Variants in CCDC92 observed in about 807,000 individuals in gnomAD.
CCDC92 encodes the protein coiled-coil domain-containing protein 92.
Under a neutral mutation model 24.9 loss-of-function variants are expected in CCDC92, and 12 were observed. That is an observed-to-expected ratio of 0.48 (90% confidence interval 0.31 to 0.78). CCDC92 has a LOEUF of 0.78. Ranked by LOEUF, CCDC92 falls within the 30% of genes least tolerant of loss-of-function variation. The pLI is 0.05. For synonymous variants in CCDC92, 193 were observed against 196.3 expected (o/e 0.98, Z 0.14); for missense variants, 399 against 439.4 (o/e 0.91, Z 0.82).
intron 1 of CCDC92, chr12:123,946,028 C>CCATCCATTTCCAGTCCA (rs1334188593): frequency 3.2e-5 from 5 of 157,032 alleles, no homozygotes; most frequent in Non-Finnish European, 5.6e-5. Flanking sequence ...TGGCATCCTG[C>CCATCCATTTCCAGTCCA]TTTGAAAGCA....
At chr12:123,939,182 G>A (rs754827039) in intron 4 of CCDC92, among the ~76,000 whole-genome samples, 1 of 152,098 alleles carries the variant, frequency 6.6e-6, no homozygotes, top group Non-Finnish European at 1.5e-5. Flanking sequence ...AGACCTGCAC[G>A]CCCAGTTTCC....
intron 4 of CCDC92, 96 bp downstream of exon 4, chr12:123,942,648 A>G: frequency 2.1e-6 from 2 of 934,298 alleles, no homozygotes; most frequent in Non-Finnish European, 1.8e-6. Flanking sequence ...TCCCAGCAAG[A>G]GCATTTTCTC....
chr12:123,951,571 T>A (rs139951827), intron 1 of CCDC92, among the ~76,000 whole-genome samples: 27 of 152,336 alleles, frequency 1.8e-4, no homozygotes, highest in Non-Finnish European at 3.1e-4. Flanking sequence ...CCATTCACAT[T>A]TGGTTCTCTC....
Position 123,972,645 on chromosome 12 carries a change from T to G in CCDC92, c.-176A>C, listed in dbSNP as rs1169955335. The G allele has an allele frequency of 1.4e-5, 2 of 146,928 alleles. No homozygotes were observed. The highest frequency in any genetic ancestry group is 4.1e-4 in the East Asian group (2 of 4,918). The allele number at this position is 146,928 out of a possible 1,614,324, so 9.1% of individuals were successfully genotyped here. On this transcript the variant is annotated 5_prime_UTR_variant, in exon 1 of 5. Transcript: ENST00000238156. ...CTGGGCGGGGCGCGGCGGGCGGGGC[T>G]GCCTGGGCTCGGGCGCTGCCCGGGC...
At chr12:123,944,642 C>T (rs1031733775) in intron 1 of CCDC92, 9 of 241,454 alleles carry the variant, frequency 3.7e-5, no homozygotes, top group African/African-American at 6.7e-5. Context: ...GGAGCTAGGA[C>T]GAGTTCATAA....
chr12:123,965,617 T>C (rs1185999514), intron 1 of CCDC92, among the ~76,000 whole-genome samples: 3 of 152,064 alleles, frequency 2.0e-5, no homozygotes, highest in African/African-American at 7.2e-5. Context: ...TTTCTCAGAC[T>C]GAACAGTCCC....
At chr12:123,948,892 A>G (rs1955951712) in intron 1 of CCDC92, among the ~76,000 whole-genome samples, 1 of 152,192 alleles carries the variant, frequency 6.6e-6, no homozygotes, top group Non-Finnish European at 1.5e-5. Context: ...ATCCTTCACT[A>G]CTGAAGAGAG....
At chr12:123,947,272 G>A (rs1405817722) in intron 1 of CCDC92, among the ~76,000 whole-genome samples, 1 of 152,196 alleles carries the variant, frequency 6.6e-6, no homozygotes, top group Non-Finnish European at 1.5e-5. Context: ...TGCTGCCCGA[G>A]CCTCCCCGAC....
chr12:123,944,573 C>T (rs1003353215), intron 1 of CCDC92: 11 of 414,964 alleles, frequency 2.7e-5, no homozygotes, highest in South Asian at 5.8e-5. Flanking sequence ...CTGCTTCAGA[C>T]GACACCAATT....
At chr12:123,939,270 T>C (rs4930724) in intron 4 of CCDC92, among the ~76,000 whole-genome samples, 59,324 of 152,048 alleles carry the variant, frequency 0.39, 12,836 homozygotes, top group African/African-American at 0.58. Flanking sequence ...CTGTCTGTCT[T>C]GCTTTGAATT....
At chr12:123,955,443 TTGA>T (rs1433687486) in intron 1 of CCDC92, among the ~76,000 whole-genome samples, 3 of 152,244 alleles carry the variant, frequency 2.0e-5, no homozygotes, top group African/African-American at 7.2e-5. Flanking sequence ...ATCTTAGCGC[TTGA>T]TGACCACAAT....
In CCDC92 at chr12:123,966,876, A is replaced by G. The variant is rs112440038; in HGVS notation, c.-60+5653T>C. Among the ~76,000 whole-genome samples, 97 of 152,282 alleles carry G rather than the reference A, an allele frequency of 6.4e-4. 1 individual carries two copies. The highest frequency in any genetic ancestry group is 2.2e-3 in the African/African-American group (92 of 41,570). On this transcript the variant is annotated intron_variant, in intron 1 of 4. Transcript: ENST00000238156. Reference sequence around the variant, plus strand: ...AAGCTCTGAGTTCCATCCTGCAAAAAGGGATGAGACACAAGAACCTCCAAA... The same window carrying G: ...AAGCTCTGAGTTCCATCCTGCAAAAGGGGATGAGACACAAGAACCTCCAAA...
At chr12:123,940,314 C>G (rs1030649669) in intron 4 of CCDC92, among the ~76,000 whole-genome samples, 1 of 152,190 alleles carries the variant, frequency 6.6e-6, no homozygotes, top group East Asian at 1.9e-4. Context: ...AAGCATCACT[C>G]TGGTTCTTTT....
rs1955469217 is a variant in CCDC92 at position 123,935,809 on chromosome 12, C to G, written c.*1249G>C. The stretch of plus-strand genomic sequence containing the variant: ...ACATAGCATTGGCACAAGTGAGAAT[C>G]CTAATGTAATTTCCAAAGGTGTGTT... On this transcript the variant is annotated 3_prime_UTR_variant, in exon 5 of 5. Coordinates refer to ENST00000238156, the MANE Select transcript of CCDC92 (RefSeq NM_025140.3). 1 of 225,080 alleles carries G rather than the reference C, an allele frequency of 4.4e-6. No individual in the cohort carries two copies. 13.9% of individuals were successfully genotyped at this position (225,080 alleles called of 1,614,324 possible).
In CCDC92 at chr12:123,956,390, G is replaced by A. The variant is rs568496010; in HGVS notation, c.-59-12026C>T. The A allele has an allele frequency of 3.3e-5, 5 of 152,264 alleles. No homozygotes were observed. The East Asian group carries it at 9.6e-4, about 29-fold the overall frequency. The allele number at this position is 152,264 out of a possible 1,614,324, so 9.4% of individuals were successfully genotyped here. A position where few individuals can be genotyped will look rare whatever the true frequency, so the allele number is the denominator to read the frequency against. On this transcript the variant is annotated intron_variant, in intron 1 of 4. Transcript: ENST00000238156. The stretch of plus-strand genomic sequence containing the variant: ...CCTCTGACTTTCCATCTAGTGATCT[G>A]AGAGCTCCAGCGTGGATTATTCAGT...
At chr12:123,963,416 CCTAT>C (rs1379270802) in intron 1 of CCDC92, among the ~76,000 whole-genome samples, 2 of 152,190 alleles carry the variant, frequency 1.3e-5, no homozygotes, top group African/African-American at 4.8e-5. Context: ...ACAATAGGAG[CCTAT>C]CTGAGTGAGT....
At chr12:123,972,034 G>C (rs1956559919) in intron 1 of CCDC92, 1 of 152,286 alleles carries the variant, frequency 6.6e-6, no homozygotes, top group Non-Finnish European at 1.5e-5. Context: ...AGCCGGGCTA[G>C]GCCCCGGGGC....
chr12:123,956,905 AT>A (rs1439421163), intron 1 of CCDC92, among the ~76,000 whole-genome samples: 3 of 152,210 alleles, frequency 2.0e-5, no homozygotes, highest in African/African-American at 7.2e-5. Context: ...AAGGTAGAAA[AT>A]CACTACATCT....
chr12:123,949,549 C>T (rs1273553828), intron 1 of CCDC92, among the ~76,000 whole-genome samples: 1 of 152,206 alleles, frequency 6.6e-6, no homozygotes, highest in Non-Finnish European at 1.5e-5. Flanking sequence ...TTTTTCTCCC[C>T]ACAGAACGCC....
Sources: gnomAD v4.1 joint callset for allele counts (sites outside exome capture counted in the v4.1 genomes callset) on GRCh38, gnomAD v4.1.1 for gene constraint, MANE v1.5 for transcripts, NCBI Gene and HGNC (gene_info 2026-07-23, HGNC 2026-07-21) for gene names.